IL9R: variants seen among roughly 807,000 people sequenced by gnomAD.
The protein encoded by IL9R is interleukin-9 receptor.
In IL9R, 54 loss-of-function variants were observed where a neutral mutation model predicts 56.3. The observed-to-expected ratio is 0.96, with a 90% confidence interval of 0.77 to 1.20. The LOEUF is 1.20. IL9R is among the 50% of genes most tolerant of loss of function. The pLI, the probability that IL9R is intolerant of heterozygous loss-of-function variation, is 0.00. For missense variants in IL9R, 545 were observed against 629.8 expected, an observed-to-expected ratio of 0.87 and a Z score of 1.44; for synonymous variants, 212 against 250.2, an observed-to-expected ratio of 0.85 and a Z score of 1.44.
chrX:156,001,882 G>A (rs1273577515), intron 1 of IL9R, among the ~76,000 whole-genome samples: 2 of 152,178 alleles, frequency 1.3e-5, no homozygotes, highest in Non-Finnish European at 2.9e-5. Flanking sequence ...AGCATCCGGG[G>A]GCTTTGCCCT....
chrX:156,001,766 G>T (rs1162498005), intron 1 of IL9R, among the ~76,000 whole-genome samples: 1 of 152,110 alleles, frequency 6.6e-6, no homozygotes, highest in Non-Finnish European at 1.5e-5. Flanking sequence ...GGGGTGATAG[G>T]GCGTCAGCGG....
chrX:156,003,385 A>C, intron 2 of IL9R, 64 bp from the exon 3 acceptor site: 1 of 1,156,940 alleles, frequency 8.6e-7, no homozygotes, highest in Non-Finnish European at 1.3e-6. Context: ...GATCCTCCCC[A>C]ACCCCCGAGC....
At position 156,005,343 on chromosome X, in the gene IL9R, C is replaced by T. The variant is rs759239541; in HGVS notation, c.645C>T (p.Asp215=). 1.2e-5 allele frequency: 19 copies of T among 1,612,386 alleles called. No individual in the cohort carries two copies. In the South Asian group the frequency reaches 1.9e-4, roughly 16 times the overall value. The change falls in exon 6 of 9, where the codon GAC becomes GAT. Residue 215 remains aspartate, a synonymous_variant. Coordinates refer to ENST00000244174, the MANE Select transcript of IL9R (RefSeq NM_002186.3). ...TTATACTTGAAGCCTTTGAGCTGGA[C>T]CCTGGCTTTATCCATGAGGCCAGGC... ...TWLILEAFEL[D]PGFIHEARLR...
chrX:156,005,994 C>A, intron 6 of IL9R, 89 bp from the exon 7 acceptor site: 1 of 694,106 alleles, frequency 1.4e-6, no homozygotes, highest in East Asian at 2.6e-5. Flanking sequence ...TGGCCCAGGG[C>A]ACTAAAGGGC....
chrX:155,999,484 G>T (rs1302947596), intron 1 of IL9R, among the ~76,000 whole-genome samples: 1 of 152,046 alleles, frequency 6.6e-6, no homozygotes, highest in Admixed American at 6.5e-5. Context: ...GCCTCCAGCT[G>T]GCCTTTCAGA....
chrX:156,008,413 C>T (rs762728492), intron 8 of IL9R, among the ~76,000 whole-genome samples: 335 of 150,880 alleles, frequency 2.2e-3, no homozygotes, highest in Non-Finnish European at 3.3e-3. Flanking sequence ...CAATGAGGAG[C>T]GTAGTTTTCA....
At chrX:156,004,638 A>G (rs767001744) in intron 5 of IL9R, 73 bp downstream of exon 5, 1 of 1,447,816 alleles carries the variant, frequency 6.9e-7, no homozygotes, top group African/African-American at 1.4e-5. Flanking sequence ...TCCCCACTCT[A>G]CATAGGGAGA....
chrX:156,007,025 C>T (rs1221170249), intron 7 of IL9R, among the ~76,000 whole-genome samples: 1 of 151,644 alleles, frequency 6.6e-6, no homozygotes, highest in African/African-American at 2.4e-5. Flanking sequence ...TGAGTGGTGA[C>T]CCCTGAGGTG....
intron 7 of IL9R, among the ~76,000 whole-genome samples, 187 bp downstream of exon 7, chrX:156,006,375 C>T (rs759999202): frequency 5.2e-4 from 77 of 148,964 alleles, no homozygotes; most frequent in African/African-American, 1.6e-3. Context: ...GTGGGCTTTT[C>T]GAGTCTCCAC....
chrX:156,009,233 G>A (rs2068272397), intron 8 of IL9R, among the ~76,000 whole-genome samples: 2 of 916 alleles, frequency 2.2e-3, no homozygotes, highest in African/African-American at 0.01. Flanking sequence ...GTCTGTGTGT[G>A]TTCGTGTGGT....
intron 1 of IL9R, among the ~76,000 whole-genome samples, chrX:155,998,927 C>T (rs3093464): frequency 0.018 from 2,764 of 152,098 alleles, 74 homozygotes; most frequent in African/African-American, 0.057. Context: ...AGGAAGAGCA[C>T]GGACATCATT....
rs755261341 is a variant in IL9R at position 156,003,849 on chromosome X, A to G, written c.427A>G (p.Arg143Gly). 6.2e-7 allele frequency: 1 copy of G among 1,613,868 alleles called. No individual in the cohort carries two copies. Among genetic ancestry groups the G allele is most frequent in the Admixed American group, 1.7e-5 (1 of 60,006 alleles). ...GGTGGACCCGGAGTACCTGCCCCGG[A>G]GACACGGTGAGCAGCAGCTATAGGT... ...SLVDPEYLPR[R>G]HVKLDPPSDL... The change falls in exon 4 of 9, where the codon AGA (arginine) becomes GGA (glycine). Residue 143 changes from arginine (R) to glycine (G), a missense_variant. Transcript: ENST00000244174.
In IL9R at chrX:156,009,792, C is replaced by T; in HGVS notation, c.973-24C>T. 2.6e-6 allele frequency: 3 copies of T among 1,159,320 alleles called. 1 individual carries two copies. The highest frequency in any genetic ancestry group is 3.6e-5 in the South Asian group (2 of 55,066). The allele number at this position is 1,159,320 out of a possible 1,614,324, so 71.8% of individuals were successfully genotyped here. A position where few individuals can be genotyped will look rare whatever the true frequency, so the allele number is the denominator to read the frequency against. On this transcript the variant is annotated intron_variant, in intron 8 of 8. Transcript: ENST00000244174. Reference sequence around the variant, plus strand: ...TTCTGAACATGCTACCTGAGCCCTTCCCTCCTCCCGTGCTCTGTTCCAGAC... The same window carrying T: ...TTCTGAACATGCTACCTGAGCCCTTTCCTCCTCCCGTGCTCTGTTCCAGAC...
At chrX:156,001,336 G>C in intron 1 of IL9R, 1 of 1,009,288 alleles carries the variant, frequency 9.9e-7, no homozygotes, top group Non-Finnish European at 1.6e-6. Context: ...CCAGGTCCTG[G>C]TGGTGACTCC....
intron 2 of IL9R, 54 bp from the exon 3 acceptor site, chrX:156,003,395 C>T (rs2067673405): frequency 2.3e-6 from 3 of 1,283,820 alleles, no homozygotes; most frequent in Non-Finnish European, 1.1e-6. Flanking sequence ...AACCCCCGAG[C>T]TCAGCTCTGG....
intron 1 of IL9R, among the ~76,000 whole-genome samples, chrX:155,999,299 C>T (rs762034303): frequency 1.3e-4 from 20 of 152,144 alleles, no homozygotes; most frequent in African/African-American, 4.8e-4. Flanking sequence ...CAAGTCCAGC[C>T]CTGACTTCTT....
chrX:156,004,603 C>T (rs1425988812), intron 5 of IL9R, 38 bp downstream of exon 5: 2 of 1,606,554 alleles, frequency 1.2e-6, no homozygotes, highest in Non-Finnish European at 1.7e-6. Flanking sequence ...GGCCTCTCTC[C>T]TGGGAACAGC....
In IL9R at chrX:156,009,931, C is replaced by T; in HGVS notation, c.1088C>T (p.Pro363Leu). The change falls in exon 9 of 9, where the codon CCA (proline) becomes CTA (leucine). Residue 363 changes from proline (P) to leucine (L), a missense_variant. Coordinates refer to ENST00000244174, the MANE Select transcript of IL9R (RefSeq NM_002186.3). ...GCCACTGCACTGCTCACTTGTGGCC[C>T]AGCGCGTCCTTGGAAATCTGTGGCC... ...QEATALLTCGPARPWKSVALE... is the reference protein window; with the variant it reads ...QEATALLTCGLARPWKSVALE... 1 of 1,556,182 alleles carries T rather than the reference C, an allele frequency of 6.4e-7. No homozygotes were observed. The highest frequency in any genetic ancestry group is 8.6e-7 in the Non-Finnish European group (1 of 1,162,272).
intron 1 of IL9R, chrX:156,001,653 G>A (rs988244220): frequency 7.6e-5 from 48 of 631,772 alleles, no homozygotes; most frequent in Middle Eastern, 4.3e-4. Context: ...GTCTGTGTGC[G>A]TGTCTGGTTT....
Sources: allele counts gnomAD v4.1 joint callset (sites outside exome capture counted in the v4.1 genomes callset), GRCh38; gene constraint gnomAD v4.1.1; transcripts MANE v1.5; gene names NCBI Gene and HGNC (gene_info 2026-07-23, HGNC 2026-07-21).